The following FBXL17 variants were observed in gnomAD, a reference collection of about 807,000 sequenced individuals.
FBXL17 encodes the protein F-box and leucine rich repeat protein 17.
Under a neutral mutation model 66.2 loss-of-function variants are expected in FBXL17, and 22 were observed. The ratio of observed to expected loss-of-function variants is 0.33; its 90% CI spans 0.24 to 0.47. The LOEUF (loss-of-function observed/expected upper bound fraction) is 0.47. Among genes scored for constraint, FBXL17 ranks in the 20% least tolerant of loss-of-function variants. The pLI, the probability that FBXL17 is intolerant of heterozygous loss-of-function variation, is 1.00. For missense variants in FBXL17, 878 were observed against 948.2 expected, an observed-to-expected ratio of 0.93 and a Z score of 0.97; for synonymous variants, 474 against 400.5, an observed-to-expected ratio of 1.18 and a Z score of -2.19.
chr5:108,036,875 G>GAATATT (rs1305782855), intron 6 of FBXL17, among the ~76,000 whole-genome samples: 1 of 152,096 alleles, frequency 6.6e-6, no homozygotes, highest in Non-Finnish European at 1.5e-5. Flanking sequence ...CTTTTGTTAA[G>GAATATT]AATATTTCAA....
intron 6 of FBXL17, among the ~76,000 whole-genome samples, chr5:108,171,137 A>G (rs999561681): frequency 6.6e-6 from 1 of 152,218 alleles, no homozygotes; most frequent in Non-Finnish European, 1.5e-5. Context: ...TCTCTAAATG[A>G]ATACTCAAGA....
intron 4 of FBXL17, among the ~76,000 whole-genome samples, chr5:108,334,887 C>T (rs990899829): frequency 2.6e-5 from 4 of 152,138 alleles, no homozygotes; most frequent in African/African-American, 4.8e-5. Context: ...ACGCGGACCA[C>T]GACTTAGTGG....
chr5:108,282,448 A>G (rs1757738356), intron 4 of FBXL17, among the ~76,000 whole-genome samples: 1 of 151,886 alleles, frequency 6.6e-6, no homozygotes, highest in South Asian at 2.1e-4. Flanking sequence ...CAGAAAAAGC[A>G]TTTGATAAAA....
At chr5:108,167,046 A>G (rs895099192) in intron 6 of FBXL17, among the ~76,000 whole-genome samples, 7 of 152,204 alleles carry the variant, frequency 4.6e-5, no homozygotes, top group Non-Finnish European at 1.0e-4. Context: ...GCAGCATAAA[A>G]TATAAGTAGA....
At chr5:108,352,083 T>C (rs1235549368) in intron 3 of FBXL17, among the ~76,000 whole-genome samples, 1 of 152,274 alleles carries the variant, frequency 6.6e-6, no homozygotes, top group African/African-American at 2.4e-5. Context: ...ATTACCAGCA[T>C]GTGAGGTAAA....
At chr5:108,121,273 A>G (rs182749635) in intron 6 of FBXL17, among the ~76,000 whole-genome samples, 143 of 152,272 alleles carry the variant, frequency 9.4e-4, no homozygotes, top group Admixed American at 4.2e-3. Flanking sequence ...GGTTGCAGTG[A>G]GCAGAGATCA....
intron 7 of FBXL17, among the ~76,000 whole-genome samples, chr5:107,999,215 T>C (rs1753609963): frequency 6.6e-6 from 1 of 152,176 alleles, no homozygotes; most frequent in African/African-American, 2.4e-5. Flanking sequence ...AAAATAAGAA[T>C]AATGATATTT....
intron 6 of FBXL17, among the ~76,000 whole-genome samples, chr5:108,076,049 T>C (rs1040481658): frequency 6.6e-6 from 1 of 152,242 alleles, no homozygotes; most frequent in East Asian, 1.9e-4. Flanking sequence ...TAAAATAAAA[T>C]AGAAATGTCT....
At chr5:107,941,794 A>G (rs538422208) in intron 7 of FBXL17, among the ~76,000 whole-genome samples, 1 of 152,296 alleles carries the variant, frequency 6.6e-6, no homozygotes, top group South Asian at 2.1e-4. Context: ...TTCGAACCTA[A>G]TTCAGCATCT....
At chr5:107,960,747 A>T (rs1454970294) in intron 7 of FBXL17, among the ~76,000 whole-genome samples, 1 of 152,186 alleles carries the variant, frequency 6.6e-6, no homozygotes, top group Non-Finnish European at 1.5e-5. Context: ...AACTACTACT[A>T]CTACAACTGA....
chr5:108,245,509 T>C (rs942023818), intron 4 of FBXL17, among the ~76,000 whole-genome samples: 2 of 152,140 alleles, frequency 1.3e-5, no homozygotes, highest in Non-Finnish European at 2.9e-5. Flanking sequence ...TTTCATCATG[T>C]CAGACAAATA....
At chr5:108,059,519 G>A (rs903232691) in intron 6 of FBXL17, among the ~76,000 whole-genome samples, 8 of 152,156 alleles carry the variant, frequency 5.3e-5, no homozygotes, top group Non-Finnish European at 1.2e-4. Flanking sequence ...TGCACAACCT[G>A]GAATTCTCTG....
intron 4 of FBXL17, among the ~76,000 whole-genome samples, chr5:108,262,588 T>C (rs938859871): frequency 1.3e-5 from 2 of 152,172 alleles, no homozygotes; most frequent in East Asian, 1.9e-4. Flanking sequence ...CAAGCTGTTA[T>C]AGCAAATAGG....
At chr5:108,265,902 A>T (rs887686271) in intron 4 of FBXL17, among the ~76,000 whole-genome samples, 3 of 152,158 alleles carry the variant, frequency 2.0e-5, no homozygotes, top group Non-Finnish European at 2.9e-5. Context: ...TCACACTTTG[A>T]ATAGTAAGGT....
chr5:108,009,263 A>ATT (rs1380257906), intron 7 of FBXL17, among the ~76,000 whole-genome samples: 2 of 36,458 alleles, frequency 5.5e-5, no homozygotes, highest in African/African-American at 2.5e-4. Context: ...TCCCTGTTTT[A>ATT]TATATATATA....
chr5:107,862,398 C>T (rs1748149811), intron 8 of FBXL17, among the ~76,000 whole-genome samples: 1 of 152,138 alleles, frequency 6.6e-6, no homozygotes, highest in African/African-American at 2.4e-5. Flanking sequence ...TTAAAACATA[C>T]ATGGCTGGCA....
At chr5:108,005,180 G>A (rs960613127) in intron 7 of FBXL17, among the ~76,000 whole-genome samples, 9 of 150,780 alleles carry the variant, frequency 6.0e-5, no homozygotes, top group Admixed American at 1.3e-4. Context: ...TTGCTGCCTC[G>A]TATTAGCTAG....
intron 7 of FBXL17, among the ~76,000 whole-genome samples, chr5:108,001,899 G>A (rs1233945345): frequency 6.6e-6 from 1 of 151,394 alleles, no homozygotes; most frequent in Non-Finnish European, 1.5e-5. Context: ...TTTTCCTCTT[G>A]TGCTATTAAA....
chr5:107,884,831 T>A (rs1280961192), intron 7 of FBXL17, among the ~76,000 whole-genome samples: 2 of 152,204 alleles, frequency 1.3e-5, no homozygotes, highest in East Asian at 3.8e-4. Context: ...AGATGACAGA[T>A]GTAAGGGACT....
Sources: allele counts gnomAD v4.1 joint callset (sites outside exome capture counted in the v4.1 genomes callset), GRCh38; gene constraint gnomAD v4.1.1; transcripts MANE v1.5; gene names NCBI Gene and HGNC (gene_info 2026-07-23, HGNC 2026-07-21).